Variants in PKP4 observed in about 807,000 individuals in gnomAD.
The protein encoded by PKP4 is plakophilin 4, also known as plakophilin-4.
Under a neutral mutation model 145.1 loss-of-function variants are expected in PKP4, and 90 were observed. The ratio of observed to expected loss-of-function variants is 0.62; its 90% CI spans 0.52 to 0.74. PKP4 has a LOEUF of 0.74. Among genes scored for constraint, PKP4 ranks in the 30% least tolerant of loss-of-function variants. The pLI is 0.00. For synonymous variants in PKP4, 563 were observed against 577.2 expected (o/e 0.98, Z 0.35); for missense variants, 1,340 against 1,482.7 (o/e 0.90, Z 1.58).
chr2:158,620,531 A>T (rs2052118265), intron 4 of PKP4, among the ~76,000 whole-genome samples: 1 of 152,236 alleles, frequency 6.6e-6, no homozygotes, highest in African/African-American at 2.4e-5. Flanking sequence ...TGTAAGTGAC[A>T]TGAAATATAA....
chr2:158,496,440 C>A lies in PKP4; in HGVS notation c.-5-36740C>A, dbSNP rs921762361. On this transcript the variant is annotated intron_variant, in intron 1 of 21. Transcript: ENST00000389759. ...TCTGTGAATTTGTTGGTGCACCCCT[C>A]TTGTGAGTGTACTAAAAATCAAAAG... Among the ~76,000 whole-genome samples, 7 of 152,148 alleles carry A rather than the reference C, an allele frequency of 4.6e-5. No homozygotes were observed. In the East Asian group the frequency reaches 1.3e-3, roughly 29 times the overall value.
At chr2:158,631,702 A>G in intron 7 of PKP4, 51 bp from the exon 8 acceptor site, 1 of 1,454,796 alleles carries the variant, frequency 6.9e-7, no homozygotes, top group Non-Finnish European at 9.7e-7. Flanking sequence ...TATGTTTTTA[A>G]CCTCACTGTG....
intron 2 of PKP4, chr2:158,533,676 G>A (rs753624199): frequency 7.2e-5 from 25 of 346,162 alleles, no homozygotes; most frequent in Admixed American, 4.0e-4. Flanking sequence ...CTGTAATAGC[G>A]TTAGGTATTT....
In PKP4 at chr2:158,463,109, A is replaced by G. The variant is rs1175230212; in HGVS notation, c.-6+5891A>G. On this transcript the variant is annotated intron_variant, in intron 1 of 21. Coordinates refer to ENST00000389759, the MANE Select transcript of PKP4 (RefSeq NM_003628.6). ...AACCATTGTGAGCTTGATAGTTTGC[A>G]GGACATTGTAGAAAAGAGAATCCAG... 3.3e-5 allele frequency among the ~76,000 whole-genome samples: 5 copies of G among 152,326 alleles called. No individual in the cohort carries two copies. In the East Asian group the frequency reaches 9.6e-4, roughly 29 times the overall value.
At chr2:158,466,715 T>G (rs1404543833) in intron 1 of PKP4, among the ~76,000 whole-genome samples, 1 of 152,042 alleles carries the variant, frequency 6.6e-6, no homozygotes, top group Admixed American at 6.6e-5. Flanking sequence ...AAAAAGAAAT[T>G]AATTAGAAGA....
chr2:158,514,933 G>A lies in PKP4; in HGVS notation c.-5-18247G>A, dbSNP rs184732926. Among the ~76,000 whole-genome samples, 65 of 151,938 alleles carry A rather than the reference G, an allele frequency of 4.3e-4. No homozygotes were observed. The East Asian group carries it at 0.01, about 24-fold the overall frequency. On this transcript the variant is annotated intron_variant, in intron 1 of 21. Transcript: ENST00000389759. ...TCCAGCCTGGGTGACAGAGTGAGAC[G>A]CTGTCTCAAAAAAAAAAATTGCAAA... is the stretch of plus-strand genomic sequence containing the variant.
chr2:158,597,986 A>ATT (rs11392229), intron 3 of PKP4, among the ~76,000 whole-genome samples: 20 of 150,034 alleles, frequency 1.3e-4, no homozygotes, highest in African/African-American at 2.4e-4. Context: ...ATGCCCGGCA[A>ATT]TTTTTTTTTT....
intron 1 of PKP4, among the ~76,000 whole-genome samples, chr2:158,523,042 C>T (rs1401506501): frequency 6.6e-6 from 1 of 152,034 alleles, no homozygotes; most frequent in African/African-American, 2.4e-5. Flanking sequence ...AAGGCAGCAG[C>T]GAGGCTGGGG....
At chr2:158,484,478 G>C (rs934459663) in intron 1 of PKP4, among the ~76,000 whole-genome samples, 3 of 152,224 alleles carry the variant, frequency 2.0e-5, no homozygotes, top group African/African-American at 7.2e-5. Flanking sequence ...ATGTGTTAGA[G>C]ATGTTTATGG....
intron 2 of PKP4, among the ~76,000 whole-genome samples, chr2:158,559,277 C>G (rs1185815338): frequency 6.6e-6 from 1 of 151,974 alleles, no homozygotes. Flanking sequence ...ATCCTTTCTA[C>G]AGCCCCTTTA....
At chr2:158,491,794 T>A (rs1694980003) in intron 1 of PKP4, among the ~76,000 whole-genome samples, 1 of 152,080 alleles carries the variant, frequency 6.6e-6, no homozygotes, top group African/African-American at 2.4e-5. Flanking sequence ...CTTTCTTTTT[T>A]ATTTTTAATT....
chr2:158,567,487 G>A (rs79476672), intron 2 of PKP4, among the ~76,000 whole-genome samples: 60 of 152,290 alleles, frequency 3.9e-4, no homozygotes, highest in Non-Finnish European at 6.2e-4. Context: ...GGTGCGCAGT[G>A]GTTAACCCAT....
chr2:158,664,634 A>C (rs557941297), intron 15 of PKP4, among the ~76,000 whole-genome samples: 1 of 152,190 alleles, frequency 6.6e-6, no homozygotes, highest in Non-Finnish European at 1.5e-5. Context: ...ACTATGTTGA[A>C]TATAGAGCGA....
intron 17 of PKP4, among the ~76,000 whole-genome samples, chr2:158,672,999 G>C (rs1036437901): frequency 3.9e-5 from 6 of 152,164 alleles, no homozygotes; most frequent in Non-Finnish European, 7.3e-5. Flanking sequence ...GTAGAGATCT[G>C]AGGGCCTTAG....
At chr2:158,569,053 A>G (rs1461346201) in intron 2 of PKP4, among the ~76,000 whole-genome samples, 1 of 152,122 alleles carries the variant, frequency 6.6e-6, no homozygotes, top group African/African-American at 2.4e-5. Context: ...TCTCATCCAC[A>G]CATGGTTCCA....
intron 3 of PKP4, among the ~76,000 whole-genome samples, chr2:158,579,591 A>G (rs1307787044): frequency 6.6e-6 from 1 of 152,216 alleles, no homozygotes; most frequent in Non-Finnish European, 1.5e-5. Context: ...TAAAACAGAT[A>G]CAAAGCATGC....
rs544476977 is a variant in PKP4, at chr2:158,495,150, G to A, written c.-6+37932G>A. On this transcript the variant is annotated intron_variant, in intron 1 of 21. Coordinates refer to ENST00000389759, the MANE Select transcript of PKP4 (RefSeq NM_003628.6). ...GGAGAATCACTTGAACCCAGGAGGC[G>A]GAGGTTGCAGTGAGCCGAGATTGCA... Among the ~76,000 whole-genome samples, 28 of 152,016 alleles carry A rather than the reference G, an allele frequency of 1.8e-4. 1 individual carries two copies. In the South Asian group the frequency reaches 5.4e-3, roughly 29 times the overall value.
intron 15 of PKP4, among the ~76,000 whole-genome samples, chr2:158,665,085 T>C (rs1468194459): frequency 1.3e-5 from 2 of 152,190 alleles, no homozygotes; most frequent in Non-Finnish European, 2.9e-5. Context: ...TGAGTTAAAA[T>C]ATTGGACCTT....
At chr2:158,615,287 T>A (rs2051492720) in intron 4 of PKP4, among the ~76,000 whole-genome samples, 1 of 152,140 alleles carries the variant, frequency 6.6e-6, no homozygotes, top group Non-Finnish European at 1.5e-5. Context: ...ATAAGCTGAC[T>A]TTTTATATCA....
Sources: allele counts gnomAD v4.1 joint callset (sites outside exome capture counted in the v4.1 genomes callset), GRCh38; gene constraint gnomAD v4.1.1; transcripts MANE v1.5; gene names NCBI Gene and HGNC (gene_info 2026-07-23, HGNC 2026-07-21).